The following KAT6A variants were observed in gnomAD, a reference collection of about 807,000 sequenced individuals.
KAT6A encodes lysine acetyltransferase 6A.
KAT6A carries 9 observed loss-of-function variants against 198.4 expected under a neutral mutation model. That is an observed-to-expected ratio of 0.05 (90% confidence interval 0.03 to 0.08). The LOEUF is 0.08. Among genes scored for constraint, KAT6A ranks in the 10% least tolerant of loss-of-function variants. The pLI is 1.00. For missense variants in KAT6A, 2,077 were observed against 2,509.9 expected (o/e 0.83, Z 3.69); for synonymous variants, 890 against 883.0 (o/e 1.01, Z -0.14).
chr8:41,933,166 GGCTGCGGCTGCT>G lies in KAT6A; in HGVS notation c.5042_5053del (p.Gln1681_Gln1684del), dbSNP rs1564003389. ...TGGGGGTGGAGGCTGCTGGGGCTGAGGCTGCGGCTGCTGTTGCGGCTGCTGCTGGGGTGGTGG... is the reference window on the plus strand; with the variant it reads ...TGGGGGTGGAGGCTGCTGGGGCTGAGGTTGCGGCTGCTGCTGGGGTGGTGG... On this transcript the variant is annotated inframe_deletion, in exon 17 of 17. Coordinates refer to ENST00000265713, the MANE Select transcript of KAT6A (RefSeq NM_006766.5). The surrounding 1 kb of genome is among the most constrained non-coding windows in gnomAD (Gnocchi z 6.2). 4 of 1,599,058 alleles carry G rather than the reference GGCTGCGGCTGCT, an allele frequency of 2.5e-6. No individual in the cohort carries two copies. Among genetic ancestry groups the G allele is most frequent in the Non-Finnish European group, 3.4e-6 (4 of 1,174,902 alleles).
rs1192802540 is a variant in KAT6A, at chr8:41,937,391, C to T, written c.3217G>A (p.Glu1073Lys). Residue 1073 changes from glutamate to lysine, a missense_variant, in exon 16 of 17, where the codon GAA becomes AAA. By Grantham distance (56) the Glu-to-Lys change is moderately conservative. Around this residue, in one of 13 missense-constraint regions of KAT6A, gnomAD observed 375 missense variants for 383.0 expected, o/e 0.98. Transcript: ENST00000265713. ...PTFEIDEEEE[E>K]EDENELFPRE... ...GGGAAAAGTTCATTTTCATCCTCTT[C>T]CTCCTCTTCTTCATCGATCTCAAAC... is the stretch of plus-strand genomic sequence containing the variant. The T allele has an allele frequency of 1.2e-6, 2 of 1,613,996 alleles. No homozygotes were observed. Among genetic ancestry groups the T allele is most frequent in the African/African-American group, 2.7e-5 (2 of 74,926 alleles).
intron 8 of KAT6A, among the ~76,000 whole-genome samples, chr8:41,968,184 G>C (rs1192618075): frequency 6.6e-6 from 1 of 152,104 alleles, no homozygotes; most frequent in Admixed American, 6.5e-5. Context: ...AGAGTGAACA[G>C]GCAACCCACA....
chr8:41,978,490 T>G (rs1824180545), intron 6 of KAT6A, 152 bp downstream of exon 6: 2 of 748,976 alleles, frequency 2.7e-6, no homozygotes, highest in African/African-American at 3.5e-5. Flanking sequence ...GTCTGGCACT[T>G]ATTAAGGGCT....
rs753485594 is a variant in KAT6A at position 41,940,946 on chromosome 8, C to T, written c.2935G>A (p.Ala979Thr). The part of the protein sequence containing the change: ...LPRRYSEGDR[A>T]VLRGFSESSE... Reference sequence around the variant, plus strand: ...CTCTCACTGAAGCCCCTGAGGACAGCCCTGTCACCCTCACTGTAGCGACGG... The same window carrying T: ...CTCTCACTGAAGCCCCTGAGGACAGTCCTGTCACCCTCACTGTAGCGACGG... Residue 979 changes from alanine (A) to threonine (T), a missense_variant, in exon 15 of 17, where the codon GCT becomes ACT. By Grantham distance (58) the Ala-to-Thr change is moderately conservative. Around this residue, in one of 13 missense-constraint regions of KAT6A, gnomAD observed 301 missense variants for 272.2 expected, o/e 1.11. Transcript: ENST00000265713. 3 of 1,614,218 alleles carry T rather than the reference C, an allele frequency of 1.9e-6. No individual in the cohort carries two copies. Among genetic ancestry groups the T allele is most frequent in the East Asian group, 4.5e-5 (2 of 44,888 alleles).
chr8:42,008,518 T>C (rs1195929021), intron 2 of KAT6A, among the ~76,000 whole-genome samples: 1 of 152,082 alleles, frequency 6.6e-6, no homozygotes, highest in East Asian at 1.9e-4. Context: ...TTATATATTT[T>C]TTGAGTAGAG....
intron 2 of KAT6A, among the ~76,000 whole-genome samples, chr8:41,991,299 G>A (rs993411641): frequency 1.3e-5 from 2 of 152,134 alleles, no homozygotes; most frequent in East Asian, 3.8e-4. Flanking sequence ...ACAGTAGAAT[G>A]TTAAACAGTA....
Position 41,963,719 on chromosome 8 carries a change from T to A in KAT6A, c.1483-8308A>T, listed in dbSNP as rs113095178. Among the ~76,000 whole-genome samples the A allele has an allele frequency of 4.5e-4, 69 of 152,272 alleles. 1 individual carries two copies. The highest frequency in any genetic ancestry group is 1.5e-3 in the African/African-American group (61 of 41,500). On this transcript the variant is annotated intron_variant, in intron 8 of 16. Transcript: ENST00000265713. ...ATGATGTCATCCACTTTTTAGAAAT[T>A]CTTTAGCAGTTCCTCAAGAGCTATT... is the stretch of plus-strand genomic sequence containing the variant.
chr8:42,048,627 A>G lies in KAT6A; in HGVS notation c.351T>C (p.Thr117=). 6.2e-7 allele frequency: 1 copy of G among 1,614,204 alleles called. No individual in the cohort carries two copies. Among genetic ancestry groups the G allele is most frequent in the Non-Finnish European group, 8.5e-7 (1 of 1,180,032 alleles). ...VEGLAESGGS[T]LKSIERFLKG... is the part of the protein sequence containing the mutation. ...TCAAAAAACGTTCAATGCTTTTCAA[A>G]GTTGAGCCACCAGACTCTGCCAAGC... Residue 117 remains threonine (T), a synonymous_variant, in exon 2 of 17, where the codon ACT becomes ACC. Coordinates refer to ENST00000265713, the MANE Select transcript of KAT6A (RefSeq NM_006766.5).
intron 2 of KAT6A, among the ~76,000 whole-genome samples, chr8:42,047,572 G>A (rs774273812): frequency 6.6e-5 from 10 of 151,956 alleles, no homozygotes; most frequent in South Asian, 4.1e-4. Flanking sequence ...GCCCATACCT[G>A]GCTAATTTTT....
At chr8:41,965,261 G>A (rs1033646039) in intron 8 of KAT6A, among the ~76,000 whole-genome samples, 3 of 152,232 alleles carry the variant, frequency 2.0e-5, no homozygotes, top group African/African-American at 7.2e-5. Flanking sequence ...ATTTACGAAC[G>A]CTAACATTTT....
chr8:42,037,673 T>A (rs1485196940), intron 2 of KAT6A, among the ~76,000 whole-genome samples: 2 of 147,298 alleles, frequency 1.4e-5, no homozygotes, highest in Non-Finnish European at 3.0e-5. Context: ...GCAACTATCT[T>A]CTTTAACACA....
intron 9 of KAT6A, among the ~76,000 whole-genome samples, chr8:41,950,942 GGA>G (rs1279084555): frequency 6.6e-6 from 1 of 151,978 alleles, no homozygotes; most frequent in East Asian, 1.9e-4. Flanking sequence ...AAGGGAGAGG[GGA>G]GAGAGGAAGG....
chr8:41,939,312 C>T (rs1821993682), intron 15 of KAT6A, among the ~76,000 whole-genome samples: 1 of 152,200 alleles, frequency 6.6e-6, no homozygotes, highest in African/African-American at 2.4e-5. Flanking sequence ...GCCAGGTCAT[C>T]AAAGTTAACT....
At chr8:42,019,329 T>C (rs1165651190) in intron 2 of KAT6A, among the ~76,000 whole-genome samples, 1 of 152,152 alleles carries the variant, frequency 6.6e-6, no homozygotes, top group African/African-American at 2.4e-5. Flanking sequence ...CTCAATTTCC[T>C]TCAGTACATT....
At chr8:41,957,803 T>G (rs1822997617) in intron 8 of KAT6A, 1 of 152,820 alleles carries the variant, frequency 6.5e-6, no homozygotes, top group Non-Finnish European at 1.5e-5. Flanking sequence ...GTATTACTCT[T>G]CTACAAAAAC....
chr8:41,941,062 A>T lies in KAT6A; in HGVS notation c.2819T>A (p.Leu940His), dbSNP rs1408555965. Residue 940 changes from leucine (L) to histidine (H), a missense_variant, in exon 15 of 17, where the codon CTC becomes CAC. Around this residue, in one of 13 missense-constraint regions of KAT6A, gnomAD observed 301 missense variants for 272.2 expected, o/e 1.11. Transcript: ENST00000265713. The stretch of plus-strand genomic sequence containing the variant: ...TCGCCAGGGCTCAACCCCCTCACTG[A>T]GTCTTCTCTTGGGAAGGTCAGGTTT... ...DGKPDLPKRR[L>H]SEGVEPWRGQ... The T allele has an allele frequency of 6.2e-7, 1 of 1,613,890 alleles. No homozygotes were observed. The highest frequency in any genetic ancestry group is 1.3e-5 in the African/African-American group (1 of 74,832).
chr8:41,988,022 G>A (rs1214424071), intron 2 of KAT6A, among the ~76,000 whole-genome samples: 5 of 152,186 alleles, frequency 3.3e-5, no homozygotes, highest in Non-Finnish European at 7.4e-5. Context: ...CTAGCAGTAC[G>A]AAAAAGAAAT....
intron 13 of KAT6A, among the ~76,000 whole-genome samples, 195 bp from the exon 14 acceptor site, chr8:41,943,195 T>C (rs1822224193): frequency 6.6e-6 from 1 of 152,234 alleles, no homozygotes; most frequent in Non-Finnish European, 1.5e-5. Flanking sequence ...TGCTTCGCTC[T>C]CTACCGTGGC....
At chr8:42,032,471 G>A (rs968813478) in intron 2 of KAT6A, among the ~76,000 whole-genome samples, 6 of 152,046 alleles carry the variant, frequency 3.9e-5, no homozygotes, top group African/African-American at 1.4e-4. Flanking sequence ...CTCTAGGTTT[G>A]TCCCGATTGG....
Sources: allele counts gnomAD v4.1 joint callset (sites outside exome capture counted in the v4.1 genomes callset), GRCh38; gene constraint gnomAD v4.1.1; regional missense constraint gnomAD v4.1.1; non-coding constraint Gnocchi (gnomAD v3.1); transcripts MANE v1.5; gene names NCBI Gene and HGNC (gene_info 2026-07-23, HGNC 2026-07-21).